DLG2: variants seen among roughly 807,000 people sequenced by gnomAD.
DLG2 encodes disks large homolog 2.
In DLG2, 45 loss-of-function variants were observed where a neutral mutation model predicts 132.5. That is an observed-to-expected ratio of 0.34 (90% CI 0.27 to 0.44). The LOEUF (loss-of-function observed/expected upper bound fraction) is 0.44. DLG2 is among the 20% of genes least tolerant of loss of function. The probability of loss-of-function intolerance (pLI) is 1.00; values close to 1 mark genes in which losing one functional copy is unlikely to be tolerated. For missense variants in DLG2, 1,045 were observed against 1,196.9 expected (o/e 0.87, Z 1.87); for synonymous variants, 424 against 419.6 (o/e 1.01, Z -0.13).
intron 3 of DLG2, among the ~76,000 whole-genome samples, chr11:85,362,719 T>TG (rs1227384277): frequency 6.6e-6 from 1 of 152,176 alleles, no homozygotes; most frequent in Admixed American, 6.5e-5. Context: ...TAAATGAAAT[T>TG]ATTCCTTTTT....
At chr11:84,016,789 G>A (rs759961573) in intron 11 of DLG2, among the ~76,000 whole-genome samples, 1 of 152,008 alleles carries the variant, frequency 6.6e-6, no homozygotes, top group Non-Finnish European at 1.5e-5. Flanking sequence ...AAGGACAAGA[G>A]ATCAAGTAAA....
In DLG2 at chr11:85,516,015, C is replaced by T. The variant is rs182415575; in HGVS notation, c.40+82642G>A. Among the ~76,000 whole-genome samples the T allele has an allele frequency of 1.4e-4, 22 of 152,036 alleles. 1 individual carries two copies. Among genetic ancestry groups the T allele is most frequent in the African/African-American group, 4.1e-4 (17 of 41,546 alleles). On this transcript the variant is annotated intron_variant, in intron 3 of 27. Transcript: ENST00000376104. ...TCACAGAGTGAAATCCCAATAATTG[C>T]CCTGATTACATTCTATTTTCCATTT...
rs368948965 is a variant in DLG2 at position 83,562,761 on chromosome 11, A to ATTTTGTTG, written c.1941-20911_1941-20904dup. On this transcript the variant is annotated intron_variant, in intron 19 of 27. Transcript: ENST00000376104. ...GGTTGAAGTAGGTTTTTTCTATAAA[A>ATTTTGTTG]TTTTGTTGTTCTTTCATGTTACTTT... Among the ~76,000 whole-genome samples the ATTTTGTTG allele has an allele frequency of 6.3e-3, 956 of 152,154 alleles. 10 individuals carry two copies. Among genetic ancestry groups the ATTTTGTTG allele is most frequent in the African/African-American group, 0.021 (885 of 41,508 alleles).
intron 6 of DLG2, among the ~76,000 whole-genome samples, chr11:84,755,537 C>T (rs2066751843): frequency 6.6e-6 from 1 of 152,218 alleles, no homozygotes; most frequent in African/African-American, 2.4e-5. Flanking sequence ...CATTCTCCTG[C>T]CTCAGCCTCC....
chr11:84,192,721 C>T (rs1454796513), intron 8 of DLG2, among the ~76,000 whole-genome samples: 2 of 151,810 alleles, frequency 1.3e-5, no homozygotes, highest in African/African-American at 2.4e-5. Flanking sequence ...CAGGGCGAGA[C>T]TCCATCTCAA....
chr11:85,596,354 C>T (rs962205606), intron 3 of DLG2, among the ~76,000 whole-genome samples: 4 of 152,122 alleles, frequency 2.6e-5, no homozygotes, highest in Admixed American at 2.6e-4. Flanking sequence ...TGCCACTGCA[C>T]TCCAGCCTGA....
chr11:85,097,068 A>G (rs977887838), intron 6 of DLG2, among the ~76,000 whole-genome samples: 8 of 152,030 alleles, frequency 5.3e-5, no homozygotes, highest in Non-Finnish European at 7.4e-5. Flanking sequence ...TCACCCATCT[A>G]TCCTATCTAT....
intron 14 of DLG2, among the ~76,000 whole-genome samples, chr11:83,938,296 G>A (rs2081943344): frequency 6.6e-6 from 1 of 152,186 alleles, no homozygotes; most frequent in South Asian, 2.1e-4. Context: ...ACTGAGCTAA[G>A]AATATGTGAA....
At chr11:85,033,887 T>A (rs2061227466) in intron 6 of DLG2, among the ~76,000 whole-genome samples, 1 of 152,162 alleles carries the variant, frequency 6.6e-6, no homozygotes, top group Non-Finnish European at 1.5e-5. Context: ...GTTAGATATG[T>A]GAAAGAATTT....
rs879823677 is a variant in DLG2, at chr11:84,184,342, T to C, written c.574-20831A>G. Among the ~76,000 whole-genome samples, 811 of 152,226 alleles carry C rather than the reference T, an allele frequency of 5.3e-3. 4 individuals are homozygous for C. Among genetic ancestry groups the C allele is most frequent in the Non-Finnish European group, 8.9e-3 (605 of 67,986 alleles). On this transcript the variant is annotated intron_variant, in intron 8 of 27. Coordinates refer to ENST00000376104, the MANE Select transcript of DLG2 (RefSeq NM_001142699.3). ...TGATGGCCAGTGATGATGAGCATTT[T>C]TTCATGTGTCTTTTGGCTGCATAAA... is the stretch of plus-strand genomic sequence containing the variant.
intron 6 of DLG2, among the ~76,000 whole-genome samples, chr11:84,676,862 T>G (rs2099712892): frequency 6.6e-6 from 1 of 151,314 alleles, no homozygotes; most frequent in Non-Finnish European, 1.5e-5. Flanking sequence ...AGTGTAGGAG[T>G]AAATTAGGAT....
chr11:83,700,015 A>C (rs1460213113), intron 18 of DLG2, among the ~76,000 whole-genome samples: 1 of 151,660 alleles, frequency 6.6e-6, no homozygotes, highest in African/African-American at 2.4e-5. Flanking sequence ...ATACACAAAA[A>C]CCTAAAAATA....
intron 3 of DLG2, among the ~76,000 whole-genome samples, chr11:85,486,031 C>G (rs989433971): frequency 6.6e-6 from 1 of 152,190 alleles, no homozygotes; most frequent in East Asian, 1.9e-4. Flanking sequence ...GACTTCACTC[C>G]TCATGTCTAC....
chr11:83,479,922 G>A (rs879026207), intron 22 of DLG2, among the ~76,000 whole-genome samples: 1 of 151,988 alleles, frequency 6.6e-6, no homozygotes, highest in Admixed American at 6.6e-5. Flanking sequence ...TGATTTTAAA[G>A]GAACACTTTA....
intron 3 of DLG2, among the ~76,000 whole-genome samples, chr11:85,354,619 G>A (rs980842960): frequency 1.3e-5 from 2 of 151,696 alleles, no homozygotes; most frequent in African/African-American, 4.8e-5. Flanking sequence ...TCTGAGGGTT[G>A]AATATCATCT....
At chr11:83,874,665 C>G (rs2064307200) in intron 15 of DLG2, among the ~76,000 whole-genome samples, 177 bp from the exon 16 acceptor site, 1 of 151,880 alleles carries the variant, frequency 6.6e-6, no homozygotes, top group African/African-American at 2.4e-5. Flanking sequence ...TTAGATATAT[C>G]TCCTAATGCT....
intron 7 of DLG2, among the ~76,000 whole-genome samples, chr11:84,279,177 A>C (rs928873681): frequency 6.6e-6 from 1 of 152,242 alleles, no homozygotes; most frequent in African/African-American, 2.4e-5. Flanking sequence ...TACACTTCTC[A>C]AAAGAAAACA....
rs2099693236 is a variant in DLG2, at chr11:84,660,375, G to A, written c.358-125644C>T. Reference sequence around the variant, plus strand: ...CATTGACAATTCCGATATTTCACTGGGTACCCTGACACTTCATTTGCTCTG... The same window carrying A: ...CATTGACAATTCCGATATTTCACTGAGTACCCTGACACTTCATTTGCTCTG... On this transcript the variant is annotated intron_variant, in intron 6 of 27. Coordinates refer to ENST00000376104, the MANE Select transcript of DLG2 (RefSeq NM_001142699.3). 3.3e-5 allele frequency among the ~76,000 whole-genome samples: 5 copies of A among 152,102 alleles called. No individual in the cohort carries two copies. In the South Asian group the frequency reaches 1.0e-3, roughly 32 times the overall value.
intron 3 of DLG2, among the ~76,000 whole-genome samples, chr11:85,417,233 T>A: frequency 6.6e-6 from 1 of 152,212 alleles, no homozygotes; most frequent in East Asian, 1.9e-4. Flanking sequence ...TCTGTTTATG[T>A]GATTAATAAC....
Sources: allele counts gnomAD v4.1 joint callset (sites outside exome capture counted in the v4.1 genomes callset), GRCh38; gene constraint gnomAD v4.1.1; transcripts MANE v1.5; gene names NCBI Gene and HGNC (gene_info 2026-07-23, HGNC 2026-07-21).